PCDHGB1: variants seen among roughly 807,000 people sequenced by gnomAD.
PCDHGB1 encodes the protein protocadherin gamma-B1.
PCDHGB1 carries 34 observed loss-of-function variants against 56.6 expected under a neutral mutation model. The ratio of observed to expected loss-of-function variants is 0.60; its 90% confidence interval spans 0.46 to 0.80. The LOEUF is 0.80. Among genes scored for constraint, PCDHGB1 ranks in the 30% least tolerant of loss-of-function variants. The pLI is 0.00. For missense variants in PCDHGB1, 1,278 were observed against 1,204.6 expected, an observed-to-expected ratio of 1.06 and a Z score of -0.90; for synonymous variants, 561 against 505.9, an observed-to-expected ratio of 1.11 and a Z score of -1.46.
rs553440220 is a variant in PCDHGB1, at chr5:141,362,413, T to C, written c.2409+9744T>C. 178 of 1,614,024 alleles carry C rather than the reference T, an allele frequency of 1.1e-4. No homozygotes were observed. The highest frequency in any genetic ancestry group is 1.4e-4 in the Non-Finnish European group (170 of 1,179,892). On this transcript the variant is annotated intron_variant, in intron 1 of 3. Coordinates refer to ENST00000523390, the MANE Select transcript of PCDHGB1 (RefSeq NM_018922.3). Reference sequence around the variant, plus strand: ...CTACAACCTGTGTGTTGCCTCACAATCAGCCAAGACAGAGTTCAATTTTCT... The same window carrying C: ...CTACAACCTGTGTGTTGCCTCACAACCAGCCAAGACAGAGTTCAATTTTCT...
At chr5:141,473,010 AAAAG>A (rs1014377988) in intron 1 of PCDHGB1, among the ~76,000 whole-genome samples, 22 of 151,958 alleles carry the variant, frequency 1.4e-4, no homozygotes, top group Admixed American at 7.9e-4. Context: ...AAGAAAAAGA[AAAAG>A]AAAGAAGGAA....
chr5:141,359,592 A>G (rs1761262704), intron 1 of PCDHGB1, among the ~76,000 whole-genome samples: 1 of 151,914 alleles, frequency 6.6e-6, no homozygotes, highest in Admixed American at 6.6e-5. Flanking sequence ...TAACAACTAA[A>G]AAAGCAATGT....
Position 141,487,568 on chromosome 5 carries a change from C to G in PCDHGB1, c.2410-7239C>G, listed in dbSNP as rs752378906. The G allele has an allele frequency of 1.9e-6, 3 of 1,614,180 alleles. No homozygotes were observed. Among genetic ancestry groups the G allele is most frequent in the Non-Finnish European group, 2.5e-6 (3 of 1,180,042 alleles). ...ACCCAGTGCACCTATGGCAGGGGAG[C>G]CTGTTCGCCCAAGCTGCCCACCCTC... On this transcript the variant is annotated intron_variant, in intron 1 of 3. Transcript: ENST00000523390. This position sits in a 1 kb window ranked among gnomAD's most constrained non-coding sequence, Gnocchi z 5.0.
chr5:141,400,190 T>G (rs914854634), intron 1 of PCDHGB1: 1 of 1,613,898 alleles, frequency 6.2e-7, no homozygotes, highest in Non-Finnish European at 8.5e-7. Context: ...CAGTTTTACC[T>G]AGTGGTGGCC....
At chr5:141,478,338 C>T in intron 1 of PCDHGB1, 2 of 1,613,936 alleles carry the variant, frequency 1.2e-6, no homozygotes, top group South Asian at 1.1e-5. Flanking sequence ...CCAGGGCCCT[C>T]CTTGCACGCG....
At chr5:141,413,075 A>G (rs1013709122) in intron 1 of PCDHGB1, 4 of 1,246,610 alleles carry the variant, frequency 3.2e-6, no homozygotes, top group South Asian at 3.1e-5. Context: ...TAAAGTGCCC[A>G]GGCTACAGAG....
intron 1 of PCDHGB1, chr5:141,409,000 C>T (rs779251035): frequency 6.2e-7 from 1 of 1,613,950 alleles, no homozygotes; most frequent in South Asian, 1.1e-5. Context: ...AAGTGACAGC[C>T]ACTGACCAGG....
chr5:141,388,659 A>C (rs777197911), intron 1 of PCDHGB1: 1 of 1,613,882 alleles, frequency 6.2e-7, no homozygotes, highest in East Asian at 2.2e-5. Flanking sequence ...GTACCCGGGG[A>C]CCACGGTGCT....
chr5:141,461,258 A>G lies in PCDHGB1; in HGVS notation c.2410-33549A>G, dbSNP rs2099011921. Among the ~76,000 whole-genome samples, 4 of 152,104 alleles carry G rather than the reference A, an allele frequency of 2.6e-5. No individual in the cohort carries two copies. In the South Asian group the frequency reaches 8.3e-4, roughly 31 times the overall value. The stretch of plus-strand genomic sequence containing the variant: ...GTACTAATTTATATTCCCAGCAGCA[A>G]TGTGTAAGTGTTCTCTTTTCCCCAC... On this transcript the variant is annotated intron_variant, in intron 1 of 3. Transcript: ENST00000523390.
chr5:141,382,945 C>A, intron 1 of PCDHGB1: 1 of 1,597,008 alleles, frequency 6.3e-7, no homozygotes, highest in Non-Finnish European at 8.6e-7. Flanking sequence ...ATTCTTCCTG[C>A]TCTCCATCCT....
Position 141,485,495 on chromosome 5 carries a change from T to C in PCDHGB1, c.2410-9312T>C. 1 of 1,613,494 alleles carries C rather than the reference T, an allele frequency of 6.2e-7. No homozygotes were observed. Among genetic ancestry groups the C allele is most frequent in the African/African-American group, 1.3e-5 (1 of 74,780 alleles). On this transcript the variant is annotated intron_variant, in intron 1 of 3. Coordinates refer to ENST00000523390, the MANE Select transcript of PCDHGB1 (RefSeq NM_018922.3). This position sits in a 1 kb window ranked among gnomAD's most constrained non-coding sequence, Gnocchi z 5.7. ...TGCCAGCTGCATCGTGCCCCTGGAG[T>C]TTGTCACCGAAGGTCCTTTGGAAAT...
chr5:141,364,087 G>A lies in PCDHGB1; in HGVS notation c.2409+11418G>A, dbSNP rs927975362. ...ACTAAACTTAGGAGAAATAAAAATGGAATTTGATGCAGTCACTGGTTAGGA... is the reference window on the plus strand; with the variant it reads ...ACTAAACTTAGGAGAAATAAAAATGAAATTTGATGCAGTCACTGGTTAGGA... On this transcript the variant is annotated intron_variant, in intron 1 of 3. Transcript: ENST00000523390. The A allele has an allele frequency of 1.3e-5, 5 of 387,758 alleles. No individual in the cohort carries two copies. The East Asian group carries it at 1.5e-4, about 12-fold the overall frequency. The allele number at this position is 387,758 out of a possible 1,614,324, so 24.0% of individuals were successfully genotyped here. A position where few individuals can be genotyped will look rare whatever the true frequency, so the allele number is the denominator to read the frequency against.
intron 3 of PCDHGB1, chr5:141,508,415 A>T (rs2099868684): frequency 6.6e-6 from 1 of 152,158 alleles, no homozygotes; most frequent in Non-Finnish European, 1.5e-5. Context: ...CCACGCAGAG[A>T]CTTGACCAAG....
At chr5:141,501,716 A>G (rs2099810687) in intron 2 of PCDHGB1, among the ~76,000 whole-genome samples, 1 of 152,160 alleles carries the variant, frequency 6.6e-6, no homozygotes, top group African/African-American at 2.4e-5. Flanking sequence ...TAAAAAAGAC[A>G]AATATATTAC....
At chr5:141,378,957 A>T (rs1303880032) in intron 1 of PCDHGB1, 2 of 152,224 alleles carry the variant, frequency 1.3e-5, no homozygotes, top group Non-Finnish European at 2.9e-5. Context: ...AGTACAGGGG[A>T]TTCTCTAATT....
intron 1 of PCDHGB1, chr5:141,411,407 A>G (rs2154543610): frequency 6.6e-6 from 1 of 151,868 alleles, no homozygotes; most frequent in East Asian, 1.9e-4. Context: ...CCCCATCTCT[A>G]CTAAAACAAC....
At chr5:141,408,070 T>C (rs1413400462) in intron 1 of PCDHGB1, 3 of 1,381,930 alleles carry the variant, frequency 2.2e-6, no homozygotes, top group Non-Finnish European at 2.9e-6. Context: ...TGCGCAGACC[T>C]TTCCCAGCAC....
At chr5:141,421,300 C>A (rs377161386) in intron 1 of PCDHGB1, 2 of 1,613,320 alleles carry the variant, frequency 1.2e-6, no homozygotes, top group African/African-American at 1.3e-5. Context: ...GGGGACGCTG[C>A]GGGGGTTCCG....
In PCDHGB1 at chr5:141,432,958, A is replaced by C; in HGVS notation, c.2410-61849A>C. 6.2e-7 allele frequency: 1 copy of C among 1,614,182 alleles called. No individual in the cohort carries two copies. Among genetic ancestry groups the C allele is most frequent in the African/African-American group, 1.3e-5 (1 of 75,056 alleles). On this transcript the variant is annotated intron_variant, in intron 1 of 3. Transcript: ENST00000523390. This position sits in a 1 kb window ranked among gnomAD's most constrained non-coding sequence, Gnocchi z 6.0. ...TGCAGGCTTCAGGAGGCGGCTTGAC[A>C]GGAGCGCCGGCGTCGCACTTTGTGG...
Sources: allele counts gnomAD v4.1 joint callset (sites outside exome capture counted in the v4.1 genomes callset), GRCh38; gene constraint gnomAD v4.1.1; non-coding constraint Gnocchi (gnomAD v3.1); transcripts MANE v1.5; gene names NCBI Gene and HGNC (gene_info 2026-07-23, HGNC 2026-07-21).